The following PARP14 variants were observed in gnomAD, a reference collection of about 807,000 sequenced individuals.
The protein encoded by PARP14 is protein mono-ADP-ribosyltransferase PARP14.
PARP14 carries 59 observed loss-of-function variants against 154.2 expected under a neutral mutation model. That is an observed-to-expected ratio of 0.38 (90% confidence interval 0.31 to 0.48). The LOEUF (loss-of-function observed/expected upper bound fraction) is 0.48, where lower values mean the gene tolerates loss of function less well. Among genes scored for constraint, PARP14 ranks in the 20% least tolerant of loss-of-function variants. PARP14 has a pLI of 0.98. For synonymous variants in PARP14, 720 were observed against 780.5 expected (o/e 0.92, Z 1.29); for missense variants, 1,734 against 2,131.6 (o/e 0.81, Z 3.67).
intron 1 of PARP14, chr3:122,683,308 C>A: frequency 4.1e-6 from 4 of 983,650 alleles, no homozygotes; most frequent in Non-Finnish European, 4.8e-6. Flanking sequence ...TCAACAGGTG[C>A]GGGCCCATAG....
rs552882834 is a variant in PARP14, at chr3:122,698,395, C to T, written c.836-995C>T. On this transcript the variant is annotated intron_variant, in intron 5 of 16. Coordinates refer to ENST00000474629, the MANE Select transcript of PARP14 (RefSeq NM_017554.3). ...GAGGGGCTTGGAAGAGAAGAGCATG[C>T]ACATGCACACACATGCAAACACACC... 4.8e-4 allele frequency among the ~76,000 whole-genome samples: 73 copies of T among 152,320 alleles called. No individual in the cohort carries two copies. In the South Asian group the frequency reaches 0.015, roughly 31 times the overall value.
intron 8 of PARP14, among the ~76,000 whole-genome samples, chr3:122,706,805 G>A (rs1481650829): frequency 6.7e-6 from 1 of 148,410 alleles, no homozygotes; most frequent in Admixed American, 6.8e-5. Flanking sequence ...ATTATGGAGG[G>A]TCACCAACAG....
At chr3:122,717,121 T>G (rs1056745095) in intron 12 of PARP14, among the ~76,000 whole-genome samples, 2 of 152,246 alleles carry the variant, frequency 1.3e-5, no homozygotes, top group Admixed American at 1.3e-4. Flanking sequence ...TGGTTAATTT[T>G]ATGTGGGGTT....
chr3:122,695,581 T>C lies in PARP14; in HGVS notation c.754T>C (p.Tyr252His), dbSNP rs1486969010. 5 of 1,611,022 alleles carry C rather than the reference T, an allele frequency of 3.1e-6. No homozygotes were observed. Among genetic ancestry groups the C allele is most frequent in the Non-Finnish European group, 4.2e-6 (5 of 1,177,556 alleles). The stretch of plus-strand genomic sequence containing the variant: ...TTTAAAACTTTTCTTTGAAAATCCC[T>C]ATAATGGAGGGGGAAGAGTTGCCAA... ...YSLKLFFENP[Y>H]NGGGRVANVE... The change falls in exon 5 of 17, where the codon TAT (tyrosine) becomes CAT (histidine). Residue 252 changes from tyrosine (Y) to histidine (H), a missense_variant. Transcript: ENST00000474629.
chr3:122,714,043 T>C (rs1932924286), intron 11 of PARP14, 109 bp downstream of exon 11: 2 of 856,802 alleles, frequency 2.3e-6, no homozygotes, highest in South Asian at 1.5e-5. Context: ...TTTAAAATGA[T>C]ACATTTTACT....
rs1427170261 is a variant in PARP14 at position 122,685,258 on chromosome 3, C to G, written c.261C>G (p.Val87=). ...WQGKGTFKLT[V]QLPATPDEID... The stretch of plus-strand genomic sequence containing the variant: ...GAAAAGGAACATTCAAGTTAACTGT[C>G]CAGTTACCTGCAACCCCAGATGAAA... Residue 87 remains valine (V), a synonymous_variant, in exon 2 of 17, where the codon GTC becomes GTG. Transcript: ENST00000474629. 6.2e-7 allele frequency: 1 copy of G among 1,613,126 alleles called. No individual in the cohort carries two copies.
At position 122,728,658 on chromosome 3, in the gene PARP14, G is replaced by C. The variant is rs768211546; in HGVS notation, c.*61G>C. 1 of 1,337,342 alleles carries C rather than the reference G, an allele frequency of 7.5e-7. No individual in the cohort carries two copies. The highest frequency in any genetic ancestry group is 1.5e-5 in the African/African-American group (1 of 67,624). 82.8% of individuals were successfully genotyped at this position (1,337,342 alleles called of 1,614,324 possible). On this transcript the variant is annotated 3_prime_UTR_variant, in exon 17 of 17. Transcript: ENST00000474629. Reference sequence around the variant, plus strand: ...TTGTACATATCTAGTTGTAAAACAAGTTTTAGCTTTTTTTTTTAATTCCTC... The same window carrying C: ...TTGTACATATCTAGTTGTAAAACAACTTTTAGCTTTTTTTTTTAATTCCTC...
Position 122,718,310 on chromosome 3 carries a change from A to G in PARP14, c.4207+33A>G, listed in dbSNP as rs750359756. On this transcript the variant is annotated intron_variant, in intron 13 of 16. Transcript: ENST00000474629. ...CTTTGTTTTTATGAAATGCATGTTC[A>G]TAACGTTGATGTCACATGTGAAATA... 12 of 1,612,700 alleles carry G rather than the reference A, an allele frequency of 7.4e-6. No homozygotes were observed. The African/African-American group carries it at 1.2e-4, about 16-fold the overall frequency.
Position 122,713,454 on chromosome 3 carries a change from C to CAGG in PARP14, c.3651_3653dup (p.Gly1218dup). 1 of 1,613,302 alleles carries CAGG rather than the reference C, an allele frequency of 6.2e-7. No individual in the cohort carries two copies. Among genetic ancestry groups the CAGG allele is most frequent in the Non-Finnish European group, 8.5e-7 (1 of 1,179,496 alleles). On this transcript the variant is annotated inframe_insertion, in exon 10 of 17. Transcript: ENST00000474629. ...TATGGGACTGTTTCTAGCCCTGATT[C>CAGG]AGGTGTGTATGAAATGAAGATTGGC...
At chr3:122,728,236 T>C in intron 16 of PARP14, 72 bp from the exon 17 acceptor site, 1 of 1,327,812 alleles carries the variant, frequency 7.5e-7, no homozygotes, top group Non-Finnish European at 1.1e-6. Flanking sequence ...AGAACATTAT[T>C]TAACAGATTG....
At chr3:122,725,788 CTGATA>C (rs1259275560) in intron 15 of PARP14, among the ~76,000 whole-genome samples, 2 of 152,174 alleles carry the variant, frequency 1.3e-5, no homozygotes, top group Non-Finnish European at 2.9e-5. Context: ...ACTGTACTTA[CTGATA>C]TGTTTGGGTT....
chr3:122,714,826 G>C (rs1317169539), intron 12 of PARP14, among the ~76,000 whole-genome samples: 1 of 152,122 alleles, frequency 6.6e-6, no homozygotes, highest in Non-Finnish European at 1.5e-5. Context: ...TCTCCATGGA[G>C]AATATTAGTA....
chr3:122,695,319 T>G (rs1437907777), intron 4 of PARP14, 107 bp from the exon 5 acceptor site: 1 of 639,306 alleles, frequency 1.6e-6, no homozygotes, highest in Non-Finnish European at 2.7e-6. Context: ...AATGGAGTGC[T>G]TAGCTCTTCC....
chr3:122,712,240 C>CTTTTTTTT (rs55876947), intron 9 of PARP14, among the ~76,000 whole-genome samples: 1 of 138,358 alleles, frequency 7.2e-6, no homozygotes, highest in Non-Finnish European at 1.6e-5. Context: ...GGATTCACAT[C>CTTTTTTTT]TTTTTTTTTT....
rs1377883715 is a variant in PARP14 at position 122,701,452 on chromosome 3, T to C, written c.2898T>C (p.Thr966=). 1 of 1,614,010 alleles carries C rather than the reference T, an allele frequency of 6.2e-7. No homozygotes were observed. Among genetic ancestry groups the C allele is most frequent in the African/African-American group, 1.3e-5 (1 of 75,034 alleles). ...ACCTTGTGGATGTATCTGAGAAGAC[T>C]GTTGAGGCCTTTGCAGAAGCTGTGA... The part of the protein sequence containing the change: ...EIYLVDVSEK[T]VEAFAEAVKT... The change falls in exon 6 of 17, where the codon ACT becomes ACC. Residue 966 remains threonine (T), a synonymous_variant. Transcript: ENST00000474629. This position sits in a 1 kb window ranked among gnomAD's most constrained non-coding sequence, Gnocchi z 4.0.
At chr3:122,683,510 T>C (rs1255856172) in intron 1 of PARP14, among the ~76,000 whole-genome samples, 1 of 152,262 alleles carries the variant, frequency 6.6e-6, no homozygotes, top group Non-Finnish European at 1.5e-5. Context: ...GTTTCAGATG[T>C]GTCTATTTTA....
intron 3 of PARP14, 67 bp downstream of exon 3, chr3:122,687,180 T>A: frequency 8.9e-7 from 1 of 1,120,312 alleles, no homozygotes; most frequent in Non-Finnish European, 1.3e-6. Flanking sequence ...AGGCAGCACT[T>A]GAGGGAGTCA....
Position 122,699,851 on chromosome 3 carries a change from G to A in PARP14, c.1297G>A (p.Val433Ile). Residue 433 changes from valine to isoleucine, a missense_variant, in exon 6 of 17, where the codon GTA becomes ATA. Physicochemically the swap from Val to Ile is conservative, Grantham distance 29 (BLOSUM62 3). This residue lies in a region of PARP14 where 1,646 missense variants were observed against 1,976.0 expected (regional missense o/e 0.83). Transcript: ENST00000474629. Reference protein sequence around the residue: ...LIEFDTLKEMVILAGKSEDVQ... With the variant: ...LIEFDTLKEMIILAGKSEDVQ... ...TGAGTTTGATACACTTAAGGAGATG[G>A]TAATCTTAGCAGGGAAATCAGAGGA... 1 of 1,613,864 alleles carries A rather than the reference G, an allele frequency of 6.2e-7. No individual in the cohort carries two copies. The highest frequency in any genetic ancestry group is 8.5e-7 in the Non-Finnish European group (1 of 1,179,750).
intron 12 of PARP14, among the ~76,000 whole-genome samples, chr3:122,715,638 CT>C (rs1386099637): frequency 6.6e-6 from 1 of 151,714 alleles, no homozygotes; most frequent in Admixed American, 6.6e-5. Flanking sequence ...ATCTATCTAT[CT>C]ATCTATCTAT....
Sources: allele counts gnomAD v4.1 joint callset (sites outside exome capture counted in the v4.1 genomes callset), GRCh38; gene constraint gnomAD v4.1.1; regional missense constraint gnomAD v4.1.1; non-coding constraint Gnocchi (gnomAD v3.1); transcripts MANE v1.5; gene names NCBI Gene and HGNC (gene_info 2026-07-23, HGNC 2026-07-21).